Variants in DNAH14 observed in about 807,000 individuals in gnomAD.
The protein encoded by DNAH14 is dynein axonemal heavy chain 14, also known as axonemal beta dynein heavy chain 14.
DNAH14 carries 478 observed loss-of-function variants against 520.9 expected under a neutral mutation model. That is an observed-to-expected ratio of 0.92 (90% CI 0.85 to 0.99). DNAH14 has a LOEUF of 0.99. Among genes scored for constraint, DNAH14 ranks in the 50% least tolerant of loss-of-function variants. The pLI is 0.00. For missense variants in DNAH14, 4,831 were observed against 5,234.5 expected, an observed-to-expected ratio of 0.92 and a Z score of 2.38; for synonymous variants, 1,581 against 1,757.2, an observed-to-expected ratio of 0.90 and a Z score of 2.51.
At chr1:225,250,934 G>A (rs2092521072) in intron 43 of DNAH14, among the ~76,000 whole-genome samples, 1 of 152,064 alleles carries the variant, frequency 6.6e-6, no homozygotes, top group African/African-American at 2.4e-5. Flanking sequence ...CATCTGACTG[G>A]CATCCTTAGA....
At chr1:225,221,965 A>C (rs529252582) in intron 41 of DNAH14, among the ~76,000 whole-genome samples, 1 of 152,060 alleles carries the variant, frequency 6.6e-6, no homozygotes, top group South Asian at 2.1e-4. Flanking sequence ...ATCTGTACTG[A>C]AAAAATGCAA....
chr1:225,100,955 T>C, intron 23 of DNAH14, 71 bp downstream of exon 23: 1 of 1,249,432 alleles, frequency 8.0e-7, no homozygotes, highest in Non-Finnish European at 1.1e-6. Flanking sequence ...TAATGTAATC[T>C]ACTGCAGAAG....
At chr1:224,965,804 A>G (rs1198841138) in intron 5 of DNAH14, among the ~76,000 whole-genome samples, 3 of 152,138 alleles carry the variant, frequency 2.0e-5, no homozygotes, top group Non-Finnish European at 4.4e-5. Flanking sequence ...AATATATGCC[A>G]TGGTGCCTGG....
At chr1:225,390,212 G>A (rs548603641) in intron 83 of DNAH14, among the ~76,000 whole-genome samples, 6 of 152,080 alleles carry the variant, frequency 3.9e-5, no homozygotes, top group East Asian at 1.9e-4. Context: ...GGGTGGAGAC[G>A]GGCAACTTCA....
At chr1:225,266,398 T>C (rs1227274527) in intron 48 of DNAH14, among the ~76,000 whole-genome samples, 2 of 152,208 alleles carry the variant, frequency 1.3e-5, no homozygotes, top group South Asian at 2.1e-4. Flanking sequence ...TATAGATCTA[T>C]AGAAGGTGAA....
intron 21 of DNAH14, among the ~76,000 whole-genome samples, chr1:225,095,830 G>T (rs999039425): frequency 1.3e-5 from 2 of 152,122 alleles, no homozygotes; most frequent in African/African-American, 4.8e-5. Context: ...CTGGTGGTAG[G>T]GTAGGGAGGG....
At chr1:225,079,898 C>T (rs2072913084) in intron 18 of DNAH14, among the ~76,000 whole-genome samples, 1 of 151,942 alleles carries the variant, frequency 6.6e-6, no homozygotes, top group African/African-American at 2.4e-5. Flanking sequence ...TGGTCTCGAT[C>T]TCCTGACCTC....
intron 54 of DNAH14, among the ~76,000 whole-genome samples, chr1:225,282,594 A>G (rs2093650789): frequency 6.6e-6 from 1 of 152,230 alleles, no homozygotes; most frequent in Admixed American, 6.5e-5. Flanking sequence ...GTGCATGATC[A>G]GGCCAGTTAC....
chr1:224,938,583 C>T (rs1352967764), intron 1 of DNAH14, among the ~76,000 whole-genome samples: 2 of 152,152 alleles, frequency 1.3e-5, no homozygotes, highest in Admixed American at 6.5e-5. Context: ...TCCTCATACA[C>T]TGTTGGTGGG....
Position 225,007,418 on chromosome 1 carries a change from T to G in DNAH14, c.981T>G (p.Asp327Glu). Reference protein sequence around the residue: ...NLSAICLVKLDSSRTYSLDEF... With the variant: ...NLSAICLVKLESSRTYSLDEF... ...ATTTACTATCATCTAATTAGCTGGA[T>G]AGTTCTCGAACATATTCTCTAGATG... Residue 327 changes from aspartate to glutamate, a missense_variant, in exon 10 of 86, where the codon GAT (aspartate) becomes GAG (glutamate). By Grantham distance (45) the Asp-to-Glu change is conservative. Transcript: ENST00000682510. The G allele has an allele frequency of 6.5e-7, 1 of 1,529,388 alleles. No homozygotes were observed. Among genetic ancestry groups the G allele is most frequent in the East Asian group, 2.5e-5 (1 of 40,078 alleles). The allele number at this position is 1,529,388 out of a possible 1,614,324, so 94.7% of individuals were successfully genotyped here.
At chr1:225,077,794 T>C (rs1288766711) in intron 17 of DNAH14, among the ~76,000 whole-genome samples, 3 of 152,182 alleles carry the variant, frequency 2.0e-5, no homozygotes, top group African/African-American at 7.2e-5. Context: ...ACATGCCCCA[T>C]AATAAAATTT....
intron 21 of DNAH14, among the ~76,000 whole-genome samples, chr1:225,088,175 G>A (rs1045174059): frequency 2.0e-5 from 3 of 152,050 alleles, no homozygotes; most frequent in East Asian, 1.9e-4. Flanking sequence ...TAGTAGACAT[G>A]CAAAAAAGAA....
rs1051691119 is a variant in DNAH14, at chr1:225,317,481, C to A, written c.9241-1102C>A. 2.0e-5 allele frequency among the ~76,000 whole-genome samples: 3 copies of A among 151,754 alleles called. No homozygotes were observed. In the East Asian group the frequency reaches 5.8e-4, roughly 29 times the overall value. Reference sequence around the variant, plus strand: ...AATTTTTAAATTCTAAAATAAGGCACCTCTCACATATCTACATAAGAAATC... The same window carrying A: ...AATTTTTAAATTCTAAAATAAGGCAACTCTCACATATCTACATAAGAAATC... On this transcript the variant is annotated intron_variant, in intron 60 of 85. Transcript: ENST00000682510.
At position 224,947,702 on chromosome 1, in the gene DNAH14, T is replaced by C. The variant is rs1282907866; in HGVS notation, c.-33-4968T>C. Among the ~76,000 whole-genome samples the C allele has an allele frequency of 3.3e-5, 5 of 152,120 alleles. No individual in the cohort carries two copies. In the South Asian group the frequency reaches 1.0e-3, roughly 31 times the overall value. On this transcript the variant is annotated intron_variant, in intron 1 of 85. Transcript: ENST00000682510. ...CATTTTATGGCTGTATATTTACGTA[T>C]GAGTACCTCTTTAGCTGCATCTCAC...
At chr1:225,252,544 T>G in intron 44 of DNAH14, 127 bp downstream of exon 44, 1 of 574,630 alleles carries the variant, frequency 1.7e-6, no homozygotes, top group Non-Finnish European at 3.0e-6. Flanking sequence ...CTAATATGTT[T>G]GTGTAGAGAC....
In DNAH14 at chr1:225,007,396, T is replaced by G; in HGVS notation, c.976-17T>G. The G allele has an allele frequency of 6.7e-7, 1 of 1,496,982 alleles. No homozygotes were observed. Among genetic ancestry groups the G allele is most frequent in the Non-Finnish European group, 8.9e-7 (1 of 1,120,142 alleles). 92.7% of individuals were successfully genotyped at this position (1,496,982 alleles called of 1,614,324 possible). A position where few individuals can be genotyped will look rare whatever the true frequency, so the allele number is the denominator to read the frequency against. On this transcript the variant is annotated splice_polypyrimidine_tract_variant and intron_variant, in intron 9 of 85. Transcript: ENST00000682510. ...TTTTGACTTTCTAACACTGAACATT[T>G]ACTATCATCTAATTAGCTGGATAGT... is the stretch of plus-strand genomic sequence containing the variant.
At chr1:225,154,579 A>G (rs7536245) in intron 34 of DNAH14, among the ~76,000 whole-genome samples, 2 of 152,074 alleles carry the variant, frequency 1.3e-5, no homozygotes, top group African/African-American at 4.8e-5. Flanking sequence ...TATTATATCA[A>G]AAATCCATGG....
intron 36 of DNAH14, among the ~76,000 whole-genome samples, chr1:225,179,590 A>G (rs1227012850): frequency 6.6e-6 from 1 of 152,152 alleles, no homozygotes; most frequent in Non-Finnish European, 1.5e-5. Context: ...TGTTTTAGTT[A>G]TTATTTTTGA....
chr1:225,279,093 T>C (rs1336625654), intron 54 of DNAH14, among the ~76,000 whole-genome samples: 1 of 152,088 alleles, frequency 6.6e-6, no homozygotes, highest in Non-Finnish European at 1.5e-5. Flanking sequence ...GCCTCCTGGG[T>C]TCAAGCAATT....
Sources: allele counts gnomAD v4.1 joint callset (sites outside exome capture counted in the v4.1 genomes callset), GRCh38; gene constraint gnomAD v4.1.1; transcripts MANE v1.5; gene names NCBI Gene and HGNC (gene_info 2026-07-23, HGNC 2026-07-21).